Variants in SNX13 observed in about 807,000 individuals in gnomAD.
SNX13 encodes the protein sorting nexin 13, also known as sorting nexin-13.
Under a neutral mutation model 133.6 loss-of-function variants are expected in SNX13, and 45 were observed. That is an observed-to-expected ratio of 0.34 (90% CI 0.27 to 0.43). The LOEUF is 0.43. SNX13 is among the 20% of genes least tolerant of loss of function. SNX13 has a pLI of 1.00. For missense variants in SNX13, 1,032 were observed against 1,145.1 expected (o/e 0.90, Z 1.43); for synonymous variants, 414 against 373.9 (o/e 1.11, Z -1.24).
chr7:17,821,556 G>A lies in SNX13; in HGVS notation c.1798C>T (p.Arg600Cys). ...AAGTCATGGAAGTCACTATAACGAC[G>A]ATAGGTTTTCCACATCTCCTCACTG... is the stretch of plus-strand genomic sequence containing the variant. The part of the protein sequence containing the change: ...LNSEEMWKTY[R>C]RYSDFHDFHM... The change falls in exon 18 of 26, where the codon CGT becomes TGT. Residue 600 changes from arginine (R) to cysteine (C), a missense_variant. Coordinates refer to ENST00000428135, the MANE Select transcript of SNX13 (RefSeq NM_015132.5). 6.2e-7 allele frequency: 1 copy of A among 1,613,534 alleles called. No homozygotes were observed. Among genetic ancestry groups the A allele is most frequent in the Non-Finnish European group, 8.5e-7 (1 of 1,179,654 alleles).
intron 1 of SNX13, among the ~76,000 whole-genome samples, chr7:17,924,931 G>A (rs991318997): frequency 6.6e-6 from 1 of 152,164 alleles, no homozygotes; most frequent in Non-Finnish European, 1.5e-5. Context: ...AAACCGGCCT[G>A]GCACAGTGGC....
At chr7:17,829,026 A>AT (rs900753788) in intron 16 of SNX13, among the ~76,000 whole-genome samples, 12 of 151,548 alleles carry the variant, frequency 7.9e-5, no homozygotes, top group African/African-American at 2.7e-4. Context: ...TTTAGGAAAT[A>AT]TTTTAAAAGT....
At chr7:17,936,416 T>C (rs1488856880) in intron 1 of SNX13, among the ~76,000 whole-genome samples, 1 of 152,206 alleles carries the variant, frequency 6.6e-6, no homozygotes, top group Non-Finnish European at 1.5e-5. Flanking sequence ...AGAAACTATT[T>C]TTATTTAATA....
intron 18 of SNX13, among the ~76,000 whole-genome samples, chr7:17,817,882 G>A (rs924227012): frequency 6.6e-6 from 1 of 152,134 alleles, no homozygotes; most frequent in African/African-American, 2.4e-5. Context: ...AGTCTTGTGT[G>A]CTTGTACTGT....
intron 1 of SNX13, among the ~76,000 whole-genome samples, chr7:17,914,527 C>T (rs1263656284): frequency 1.3e-5 from 2 of 152,202 alleles, no homozygotes; most frequent in East Asian, 3.9e-4. Context: ...TAACAGCGGA[C>T]TTCTCAGCAG....
At chr7:17,816,315 C>T in intron 18 of SNX13, 26 bp from the exon 19 acceptor site, 1 of 1,519,372 alleles carries the variant, frequency 6.6e-7, no homozygotes, top group Non-Finnish European at 8.8e-7. Context: ...CATTCAATAG[C>T]ACTTTTTATA....
intron 11 of SNX13, among the ~76,000 whole-genome samples, chr7:17,849,062 C>T (rs867196853): frequency 2.6e-5 from 4 of 152,178 alleles, no homozygotes; most frequent in African/African-American, 9.7e-5. Context: ...TCTGATAATT[C>T]TGAGGATTTA....
intron 2 of SNX13, among the ~76,000 whole-genome samples, chr7:17,893,666 TA>T (rs1796882764): frequency 6.6e-6 from 1 of 152,148 alleles, no homozygotes. Context: ...TTTAATCCAA[TA>T]TATTTCCTAA....
At chr7:17,804,118 G>A (rs117169189) in intron 20 of SNX13, among the ~76,000 whole-genome samples, 1,973 of 152,130 alleles carry the variant, frequency 0.013, 23 homozygotes, top group Non-Finnish European at 0.021. Flanking sequence ...TCTGCCAGAT[G>A]AGGTTATTCT....
intron 1 of SNX13, among the ~76,000 whole-genome samples, chr7:17,925,664 A>T (rs936909036): frequency 3.3e-5 from 5 of 152,216 alleles, no homozygotes; most frequent in African/African-American, 9.6e-5. Context: ...GTATGGAGAA[A>T]GTATGGATTA....
chr7:17,814,744 C>T (rs999225016), intron 20 of SNX13, 90 bp downstream of exon 20: 51 of 1,105,006 alleles, frequency 4.6e-5, no homozygotes, highest in Non-Finnish European at 5.7e-5. Flanking sequence ...TTAAAACACA[C>T]GTACAAATCT....
intron 15 of SNX13, chr7:17,830,443 T>C: frequency 1.0e-6 from 1 of 984,104 alleles, no homozygotes; most frequent in Non-Finnish European, 1.2e-6. Flanking sequence ...TCTCATTGGA[T>C]TAAGAAAGAT....
At chr7:17,848,753 A>G (rs1261327615) in intron 11 of SNX13, among the ~76,000 whole-genome samples, 2 of 152,222 alleles carry the variant, frequency 1.3e-5, no homozygotes, top group Non-Finnish European at 2.9e-5. Context: ...CCTTCACTCA[A>G]GTTCCCACTG....
chr7:17,906,815 A>G (rs1236367345), intron 1 of SNX13, among the ~76,000 whole-genome samples: 2 of 152,140 alleles, frequency 1.3e-5, no homozygotes, highest in African/African-American at 4.8e-5. Flanking sequence ...GTCAGTTCCA[A>G]TTACCTCCTT....
At chr7:17,888,810 G>T in intron 5 of SNX13, 1 of 458,258 alleles carries the variant, frequency 2.2e-6, no homozygotes, top group Non-Finnish European at 4.5e-6. Flanking sequence ...ACAGAACAGG[G>T]CAGTTATTAT....
intron 1 of SNX13, among the ~76,000 whole-genome samples, chr7:17,901,313 C>T (rs1378961542): frequency 6.6e-6 from 1 of 152,144 alleles, no homozygotes; most frequent in African/African-American, 2.4e-5. Context: ...GTGCTCTCTT[C>T]GTCGCCCCAG....
At position 17,821,500 on chromosome 7, in the gene SNX13, C is replaced by T. The variant is rs937121474; in HGVS notation, c.1845+9G>A. The T allele has an allele frequency of 5.0e-6, 8 of 1,603,138 alleles. No homozygotes were observed. Among genetic ancestry groups the T allele is most frequent in the Non-Finnish European group, 6.8e-6 (8 of 1,174,578 alleles). ...ACATAAAGTACACAAGTTTTTAAAA[C>T]TTCATTACCTGTTCAGTGATTCTCA... On this transcript the variant is annotated intron_variant, in intron 18 of 25. Coordinates refer to ENST00000428135, the MANE Select transcript of SNX13 (RefSeq NM_015132.5).
intron 11 of SNX13, among the ~76,000 whole-genome samples, chr7:17,847,656 A>G (rs1790705161): frequency 6.6e-6 from 1 of 152,198 alleles, no homozygotes; most frequent in Admixed American, 6.5e-5. Flanking sequence ...TAAAGCCCCA[A>G]ATCTCTGCTC....
intron 1 of SNX13, among the ~76,000 whole-genome samples, chr7:17,923,421 T>C (rs1583800691): frequency 1.3e-5 from 2 of 152,274 alleles, no homozygotes; most frequent in East Asian, 1.9e-4. Flanking sequence ...AGGAAGGTGG[T>C]AGCAATGAGG....
Sources: allele counts gnomAD v4.1 joint callset (sites outside exome capture counted in the v4.1 genomes callset), GRCh38; gene constraint gnomAD v4.1.1; transcripts MANE v1.5; gene names NCBI Gene and HGNC (gene_info 2026-07-23, HGNC 2026-07-21).